FAM184A: variants seen among roughly 807,000 people sequenced by gnomAD.
FAM184A encodes protein FAM184A.
A neutral mutation model predicts 143.8 loss-of-function variants in FAM184A; 99 were observed. The observed-to-expected ratio is 0.69, with a 90% CI of 0.58 to 0.81. FAM184A has a LOEUF of 0.81. Among genes scored for constraint, FAM184A ranks in the 40% least tolerant of loss-of-function variants. The pLI is 0.00. For synonymous variants in FAM184A, 427 were observed against 446.4 expected (o/e 0.96, Z 0.55); for missense variants, 1,217 against 1,310.5 (o/e 0.93, Z 1.10).
chr6:118,991,750 A>ATTT (rs1484717964), intron 9 of FAM184A, among the ~76,000 whole-genome samples: 5 of 71,084 alleles, frequency 7.0e-5, no homozygotes, highest in South Asian at 4.9e-4. Context: ...CCCTGAGAGG[A>ATTT]CTTTTTTTTT....
At position 119,078,176 on chromosome 6, in the gene FAM184A, G is replaced by C. The variant is rs1453362127; in HGVS notation, c.124C>G (p.Leu42Val). The C allele has an allele frequency of 1.3e-6, 2 of 1,592,932 alleles. No homozygotes were observed. The highest frequency in any genetic ancestry group is 4.6e-5 in the East Asian group (2 of 43,702). ...TGGGCGATTTTCTTGCTCATTTTCAGGTGCATCTCCTGGCTGTAGTCCATG... is the reference window on the plus strand; with the variant it reads ...TGGGCGATTTTCTTGCTCATTTTCACGTGCATCTCCTGGCTGTAGTCCATG... ...HSMDYSQEMH[L>V]KMSKKIAQLT... Residue 42 changes from leucine (L) to valine (V), a missense_variant, in exon 1 of 18, where the codon CTG becomes GTG. Transcript: ENST00000338891. This position sits in a 1 kb window ranked among gnomAD's most constrained non-coding sequence, Gnocchi z 5.5.
chr6:119,049,388 C>A (rs1357816372), intron 1 of FAM184A, among the ~76,000 whole-genome samples: 1 of 152,182 alleles, frequency 6.6e-6, no homozygotes, highest in Non-Finnish European at 1.5e-5. Flanking sequence ...GCAGAGATTG[C>A]AGTGAGCCAA....
At chr6:119,025,328 A>G in intron 1 of FAM184A, 1 of 398,752 alleles carries the variant, frequency 2.5e-6, no homozygotes, top group Non-Finnish European at 4.8e-6. Flanking sequence ...AAATATTTCA[A>G]ATTTTAAACT....
chr6:119,079,549 A>T (rs113895291), upstream of FAM184A, among the ~76,000 whole-genome samples: 4,486 of 152,268 alleles, frequency 0.029, 234 homozygotes, highest in African/African-American at 0.1. Flanking sequence ...ATGATTTTTT[A>T]AAAAAGTTTT....
chr6:119,105,088 CTA>C (rs112883754), intron 1 of FAM184A, among the ~76,000 whole-genome samples: 13 of 152,128 alleles, frequency 8.5e-5, no homozygotes, highest in African/African-American at 2.2e-4. Context: ...ATATGGTATC[CTA>C]TATGGGATCC....
chr6:119,014,538 G>A (rs1359572075), intron 5 of FAM184A, among the ~76,000 whole-genome samples: 12 of 152,172 alleles, frequency 7.9e-5, no homozygotes, highest in African/African-American at 2.9e-4. Context: ...AACTATCTAC[G>A]AGAGAATACA....
chr6:118,990,436 C>G (rs542188691), intron 9 of FAM184A, among the ~76,000 whole-genome samples: 1 of 152,154 alleles, frequency 6.6e-6, no homozygotes, highest in South Asian at 2.1e-4. Flanking sequence ...TGAATCCAAT[C>G]GGTACAGTGC....
intron 12 of FAM184A, among the ~76,000 whole-genome samples, chr6:118,975,566 GAAT>G (rs1291734514): frequency 6.6e-6 from 1 of 152,224 alleles, no homozygotes; most frequent in African/African-American, 2.4e-5. Context: ...TGATTTTGAA[GAAT>G]AATTGTGGCA....
intron 1 of FAM184A, among the ~76,000 whole-genome samples, chr6:119,099,857 C>G (rs115167375): frequency 1.1e-3 from 171 of 152,264 alleles, no homozygotes; most frequent in African/African-American, 4.0e-3. Flanking sequence ...TTGTAACAAG[C>G]CAGTGTTTCC....
chr6:119,046,155 T>C (rs2114736422), intron 1 of FAM184A, among the ~76,000 whole-genome samples: 1 of 152,062 alleles, frequency 6.6e-6, no homozygotes, highest in East Asian at 1.9e-4. Context: ...CAAAGAAAAA[T>C]TTAAAATCAC....
At position 118,966,897 on chromosome 6, in the gene FAM184A, G is replaced by T; in HGVS notation, c.2971C>A (p.Gln991Lys). The change falls in exon 15 of 18, where the codon CAG (glutamine) becomes AAG (lysine). Residue 991 changes from glutamine (Q) to lysine (K), a missense_variant. Gln to Lys is a moderately conservative substitution (Grantham distance 53, BLOSUM62 1). Coordinates refer to ENST00000338891, the MANE Select transcript of FAM184A (RefSeq NM_024581.6). ...ATGGCTTTTAATTCTGTAATCATCT[G>T]TATATCTTCTGGTTTTGATTCTCTC... ...LMRESKPEDI[Q>K]MITELKAMLT... 1 of 1,588,326 alleles carries T rather than the reference G, an allele frequency of 6.3e-7. No homozygotes were observed.
At chr6:119,112,646 T>A (rs139613705) in intron 1 of FAM184A, among the ~76,000 whole-genome samples, 1,675 of 152,340 alleles carry the variant, frequency 0.011, 20 homozygotes, top group South Asian at 0.041. Flanking sequence ...TTACCTGTTA[T>A]ACCCTGAAGA....
At chr6:119,056,103 G>C (rs1315673717) in intron 1 of FAM184A, among the ~76,000 whole-genome samples, 1 of 151,980 alleles carries the variant, frequency 6.6e-6, no homozygotes, top group African/African-American at 2.4e-5. Context: ...GCAAAAATAA[G>C]GTCTACATTG....
At chr6:118,969,724 G>A (rs1783615100) in intron 14 of FAM184A, among the ~76,000 whole-genome samples, 2 of 151,140 alleles carry the variant, frequency 1.3e-5, no homozygotes, top group South Asian at 4.2e-4. Flanking sequence ...TGTTACACAG[G>A]TATACATGGG....
chr6:119,023,564 C>CAG (rs1324427094), intron 2 of FAM184A, among the ~76,000 whole-genome samples: 1 of 112,204 alleles, frequency 8.9e-6, no homozygotes, highest in Admixed American at 1.0e-4. Context: ...CGCCCCCCCC[C>CAG]CCAGGAACAG....
At chr6:118,975,896 G>C in intron 12 of FAM184A, 21 bp downstream of exon 12, 1 of 1,605,806 alleles carries the variant, frequency 6.2e-7, no homozygotes, top group African/African-American at 1.3e-5. Flanking sequence ...AATCATCAGA[G>C]TACAGAATAC....
chr6:119,122,571 T>TGA (rs1789246464), intron 1 of FAM184A, among the ~76,000 whole-genome samples: 1 of 152,126 alleles, frequency 6.6e-6, no homozygotes, highest in Non-Finnish European at 1.5e-5. Context: ...TGAATATTTA[T>TGA]GAAAGGAGAA....
chr6:118,987,242 C>A (rs1784223614), intron 9 of FAM184A, among the ~76,000 whole-genome samples: 1 of 152,160 alleles, frequency 6.6e-6, no homozygotes, highest in African/African-American at 2.4e-5. Context: ...TATTTTCACA[C>A]TACAATGGCA....
At chr6:119,090,076 A>G (rs1463619248) in intron 1 of FAM184A, among the ~76,000 whole-genome samples, 1 of 152,212 alleles carries the variant, frequency 6.6e-6, no homozygotes, top group Non-Finnish European at 1.5e-5. Context: ...CCAGAAGCCA[A>G]CTGGTTTATC....
Sources: gnomAD v4.1 joint callset for allele counts (sites outside exome capture counted in the v4.1 genomes callset) on GRCh38, gnomAD v4.1.1 for gene constraint, Gnocchi (gnomAD v3.1) non-coding constraint, MANE v1.5 for transcripts, NCBI Gene and HGNC (gene_info 2026-07-23, HGNC 2026-07-21) for gene names.